CCDC88C: variants seen among roughly 807,000 people sequenced by gnomAD.
CCDC88C encodes coiled-coil and HOOK domain protein 88C, also known as protein Daple.
Under a neutral mutation model 198.8 loss-of-function variants are expected in CCDC88C, and 131 were observed. The observed-to-expected ratio is 0.66, with a 90% CI of 0.57 to 0.76. The LOEUF is 0.76. Ranked by LOEUF, CCDC88C falls within the 30% of genes least tolerant of loss-of-function variation. The probability of loss-of-function intolerance (pLI) is 0.00; values close to 1 mark genes in which losing one functional copy is unlikely to be tolerated. For synonymous variants in CCDC88C, 1,166 were observed against 1,114.7 expected (o/e 1.05, Z -0.92); for missense variants, 2,553 against 2,631.6 (o/e 0.97, Z 0.65).
chr14:91,342,766 GAT>G (rs957975402), intron 5 of CCDC88C, among the ~76,000 whole-genome samples: 2 of 152,216 alleles, frequency 1.3e-5, no homozygotes, highest in African/African-American at 4.8e-5. Flanking sequence ...CTCTCCCGGT[GAT>G]TCTTAAGTAC....
intron 19 of CCDC88C, 109 bp from the exon 20 acceptor site, chr14:91,304,087 G>T: frequency 1.5e-6 from 2 of 1,304,658 alleles, no homozygotes; most frequent in Non-Finnish European, 2.1e-6. Flanking sequence ...GACCCTCAGG[G>T]CAGAAGACCC....
Position 91,383,494 on chromosome 14 carries a change from G to C in CCDC88C, c.271-23783C>G, listed in dbSNP as rs565384920. Among the ~76,000 whole-genome samples the C allele has an allele frequency of 5.1e-4, 78 of 152,264 alleles. 2 individuals are homozygous for C. The Middle Eastern group carries it at 0.01, about 20-fold the overall frequency. Reference sequence around the variant, plus strand: ...CAGATGTCCGGGAGCCAGGAGGAAGGGGGTGGAGAAAGTGGGGAGCCAGGG... The same window carrying C: ...CAGATGTCCGGGAGCCAGGAGGAAGCGGGTGGAGAAAGTGGGGAGCCAGGG... On this transcript the variant is annotated intron_variant, in intron 3 of 29. Coordinates refer to ENST00000389857, the MANE Select transcript of CCDC88C (RefSeq NM_001080414.4).
Position 91,305,939 on chromosome 14 carries a change from G to T in CCDC88C, c.3196-13C>A. ...GCAGAGCTGCATTCTAGAAGATCGG[G>T]AGGCATGAGCGAATCAAACTCCAAC... On this transcript the variant is annotated splice_polypyrimidine_tract_variant and intron_variant, in intron 18 of 29. Coordinates refer to ENST00000389857, the MANE Select transcript of CCDC88C (RefSeq NM_001080414.4). The T allele has an allele frequency of 6.2e-7, 1 of 1,610,664 alleles. No individual in the cohort carries two copies.
intron 3 of CCDC88C, among the ~76,000 whole-genome samples, chr14:91,376,528 G>C (rs940528453): frequency 6.6e-6 from 1 of 152,234 alleles, no homozygotes; most frequent in Admixed American, 6.5e-5. Flanking sequence ...CCCACAGGTG[G>C]GAACACAGCC....
chr14:91,376,257 T>C (rs751894314), intron 3 of CCDC88C, among the ~76,000 whole-genome samples: 13 of 152,220 alleles, frequency 8.5e-5, no homozygotes, highest in Non-Finnish European at 1.8e-4. Flanking sequence ...CATGTCTGGC[T>C]GGTGGTGGGG....
intron 14 of CCDC88C, among the ~76,000 whole-genome samples, chr14:91,314,723 G>C (rs1892017473): frequency 6.6e-6 from 1 of 152,314 alleles, no homozygotes; most frequent in East Asian, 1.9e-4. Flanking sequence ...CTGTCACCTG[G>C]AAGTGTGCCT....
chr14:91,293,393 A>G (rs74555179), intron 23 of CCDC88C, among the ~76,000 whole-genome samples: 1,432 of 23,802 alleles, frequency 0.06, 36 homozygotes, highest in Non-Finnish European at 0.072. Context: ...CGCCTGCCAC[A>G]GCCCACCTTC....
intron 1 of CCDC88C, 58 bp downstream of exon 1, chr14:91,417,573 G>A: frequency 1.3e-6 from 2 of 1,502,652 alleles, no homozygotes; most frequent in African/African-American, 1.4e-5. Flanking sequence ...GCGTCCCGTC[G>A]CCGGGCTAGA....
chr14:91,408,610 G>T (rs547246935), intron 3 of CCDC88C, 49 bp downstream of exon 3: 2 of 1,173,762 alleles, frequency 1.7e-6, no homozygotes, highest in Non-Finnish European at 2.6e-6. Context: ...TGACAGTGAC[G>T]ATACTGATGG....
At chr14:91,300,542 T>TCCC (rs966588618) in intron 20 of CCDC88C, among the ~76,000 whole-genome samples, 1 of 152,118 alleles carries the variant, frequency 6.6e-6, no homozygotes, top group Non-Finnish European at 1.5e-5. Context: ...CCTCTCCCTC[T>TCCC]CCCCTTAGGA....
In CCDC88C at chr14:91,297,547, C is replaced by A. The variant is rs576647461; in HGVS notation, c.3780-56G>T. On this transcript the variant is annotated intron_variant, in intron 21 of 29. Transcript: ENST00000389857. ...GCTGAAGAGCCTGACAAACAGGTAA[C>A]GGCCCAGAGACCTGGGCTATGTCCC... 3.3e-6 allele frequency: 5 copies of A among 1,524,814 alleles called. No individual in the cohort carries two copies. The African/African-American group carries it at 6.9e-5, about 21-fold the overall frequency. The allele number at this position is 1,524,814 out of a possible 1,614,324, so 94.5% of individuals were successfully genotyped here. A position where few individuals can be genotyped will look rare whatever the true frequency, so the allele number is the denominator to read the frequency against.
chr14:91,342,547 C>A, intron 5 of CCDC88C, 84 bp from the exon 6 acceptor site: 1 of 870,846 alleles, frequency 1.1e-6, no homozygotes, highest in South Asian at 1.4e-5. Flanking sequence ...ATGACAGTTT[C>A]AAAAGGAACC....
chr14:91,322,903 T>TC, intron 12 of CCDC88C, among the ~76,000 whole-genome samples: 1 of 112,930 alleles, frequency 8.9e-6, no homozygotes, highest in Admixed American at 9.7e-5. Context: ...CCAGTGTTTC[T>TC]CTTTTTTTTT....
intron 3 of CCDC88C, among the ~76,000 whole-genome samples, chr14:91,403,078 T>C (rs1847959754): frequency 6.6e-6 from 1 of 152,154 alleles, no homozygotes; most frequent in African/African-American, 2.4e-5. Flanking sequence ...CCCCTTTTGC[T>C]TGAAGGAGGG....
intron 3 of CCDC88C, among the ~76,000 whole-genome samples, chr14:91,407,485 G>A (rs1212766487): frequency 6.6e-6 from 1 of 152,208 alleles, no homozygotes; most frequent in Non-Finnish European, 1.5e-5. Flanking sequence ...TGAAACGCTG[G>A]CGTGAATCTG....
chr14:91,333,955 G>A (rs1038374120), intron 10 of CCDC88C, among the ~76,000 whole-genome samples: 20 of 152,190 alleles, frequency 1.3e-4, no homozygotes, highest in Admixed American at 1.1e-3. Context: ...CTGAGGCAAA[G>A]TGCCTGTTTT....
At chr14:91,280,568 T>C (rs1226430759) in intron 27 of CCDC88C, among the ~76,000 whole-genome samples, 2 of 152,226 alleles carry the variant, frequency 1.3e-5, no homozygotes. Flanking sequence ...TTTATTCAAG[T>C]ACTGCAATGC....
Position 91,339,151 on chromosome 14 carries a change from G to A in CCDC88C, c.809+127C>T. 1 of 1,136,456 alleles carries A rather than the reference G, an allele frequency of 8.8e-7. No individual in the cohort carries two copies. Among genetic ancestry groups the A allele is most frequent in the East Asian group, 2.6e-5 (1 of 39,148 alleles). The allele number at this position is 1,136,456 out of a possible 1,614,324, so 70.4% of individuals were successfully genotyped here. A position where few individuals can be genotyped will look rare whatever the true frequency, so the allele number is the denominator to read the frequency against. ...GAGGTCAAAGAGTAAGCTCAGGGCA[G>A]ACCCCAGCTGACTCCGGGGCACACG... On this transcript the variant is annotated intron_variant, in intron 8 of 29. Transcript: ENST00000389857. The surrounding 1 kb of genome is among the most constrained non-coding windows in gnomAD (Gnocchi z 5.8).
chr14:91,415,029 T>G (rs1886974318), intron 2 of CCDC88C, among the ~76,000 whole-genome samples: 1 of 152,180 alleles, frequency 6.6e-6, no homozygotes, highest in Non-Finnish European at 1.5e-5. Context: ...ACAGTCCCAG[T>G]GCTTTTGTTC....
Sources: allele counts gnomAD v4.1 joint callset (sites outside exome capture counted in the v4.1 genomes callset), GRCh38; gene constraint gnomAD v4.1.1; non-coding constraint Gnocchi (gnomAD v3.1); transcripts MANE v1.5; gene names NCBI Gene and HGNC (gene_info 2026-07-23, HGNC 2026-07-21).